The following TNFSF13B variants were observed in gnomAD, a reference collection of about 807,000 sequenced individuals.
The protein encoded by TNFSF13B is tumor necrosis factor ligand superfamily member 13B.
A neutral mutation model predicts 29.1 loss-of-function variants in TNFSF13B; 8 were observed. The ratio of observed to expected loss-of-function variants is 0.27; its 90% CI spans 0.16 to 0.50. TNFSF13B has a LOEUF of 0.50. TNFSF13B is among the 20% of genes least tolerant of loss of function. The pLI, the probability that TNFSF13B is intolerant of heterozygous loss-of-function variation, is 0.98. For missense variants in TNFSF13B, 248 were observed against 334.9 expected (o/e 0.74, Z 2.03); for synonymous variants, 125 against 130.8 (o/e 0.96, Z 0.30).
At chr13:108,284,351 TAAATGAATAAATAAACAAACAAAC>T (rs146134965) in intron 2 of TNFSF13B, among the ~76,000 whole-genome samples, 32,246 of 148,946 alleles carry the variant, frequency 0.22, 4,088 homozygotes, top group East Asian at 0.46. Flanking sequence ...AATAAATAAA[TAAATGAATAAATAAACAAACAAAC>T]AAACAAACAA....
rs1473656805 is a variant in TNFSF13B, at chr13:108,308,195, C to G, written c.*1257C>G. On this transcript the variant is annotated 3_prime_UTR_variant, in exon 6 of 6. Coordinates refer to ENST00000375887, the MANE Select transcript of TNFSF13B (RefSeq NM_006573.5). The stretch of plus-strand genomic sequence containing the variant: ...TGCCAGTCTATGAAAATCTTCCCAT[C>G]TATATCAAAATACTTTTCAAGGATA... The G allele has an allele frequency of 6.6e-6, 1 of 152,072 alleles. No homozygotes were observed. Among genetic ancestry groups the G allele is most frequent in the African/African-American group, 2.4e-5 (1 of 41,428 alleles). 9.4% of individuals were successfully genotyped at this position (152,072 alleles called of 1,614,324 possible).
rs1881461665 is a variant in TNFSF13B at position 108,296,476 on chromosome 13, C to A, written c.482-6777C>A. 1.4e-5 allele frequency among the ~76,000 whole-genome samples: 2 copies of A among 145,370 alleles called. 1 individual carries two copies. Among genetic ancestry groups the A allele is most frequent in the Non-Finnish European group, 3.1e-5 (2 of 65,396 alleles). On this transcript the variant is annotated intron_variant, in intron 3 of 5. Transcript: ENST00000375887. ...ATCTTGAAACCTTGAAACACAAAAA[C>A]CTGTTTGTGTTTTTGAATCTGAAGT...
At chr13:108,297,807 C>G (rs1881495952) in intron 3 of TNFSF13B, among the ~76,000 whole-genome samples, 1 of 145,686 alleles carries the variant, frequency 6.9e-6, no homozygotes, top group African/African-American at 2.6e-5. Context: ...TAAACCTACA[C>G]TAATATATCA....
At chr13:108,289,013 T>C (rs922508227) in intron 3 of TNFSF13B, among the ~76,000 whole-genome samples, 5 of 152,198 alleles carry the variant, frequency 3.3e-5, no homozygotes, top group Non-Finnish European at 7.3e-5. Context: ...ATCTATTATT[T>C]ATTGTTCAAC....
chr13:108,290,722 C>T (rs943801877), intron 3 of TNFSF13B, among the ~76,000 whole-genome samples: 1 of 151,870 alleles, frequency 6.6e-6, no homozygotes. Flanking sequence ...AGCATTTCCT[C>T]CCATACTGTC....
intron 2 of TNFSF13B, among the ~76,000 whole-genome samples, chr13:108,277,661 C>T (rs1023477383): frequency 7.2e-5 from 11 of 152,260 alleles, no homozygotes; most frequent in Non-Finnish European, 8.8e-5. Flanking sequence ...GCTAGTTGCC[C>T]ATTTTTATGG....
At position 108,286,742 on chromosome 13, in the gene TNFSF13B, G is replaced by A. The variant is rs1881149104; in HGVS notation, c.425-61G>A. ...TGGAAGAGTGGGTTTCTAGCTTTGT[G>A]TTCTCAGTTTCTTTATTATTTCTAC... On this transcript the variant is annotated intron_variant, in intron 2 of 5. Transcript: ENST00000375887. The A allele has an allele frequency of 2.4e-5, 27 of 1,144,166 alleles. No individual in the cohort carries two copies. The East Asian group carries it at 7.0e-4, about 30-fold the overall frequency. 70.9% of individuals were successfully genotyped at this position (1,144,166 alleles called of 1,614,324 possible).
At position 108,269,915 on chromosome 13, in the gene TNFSF13B, G is replaced by A; in HGVS notation, c.20G>A (p.Arg7Lys). MDDSTEREQSRLTSCLK... is the reference protein window; with the variant it reads MDDSTEKEQSRLTSCLK... ...AGTGATATGGATGACTCCACAGAAAGGGAGCAGTCACGCCTTACTTCTTGC... is the reference window on the plus strand; with the variant it reads ...AGTGATATGGATGACTCCACAGAAAAGGAGCAGTCACGCCTTACTTCTTGC... The change falls in exon 1 of 6, where the codon AGG becomes AAG. Residue 7 changes from arginine (R) to lysine (K), a missense_variant. Arg to Lys is a conservative substitution (Grantham distance 26). Transcript: ENST00000375887. 1 of 1,610,928 alleles carries A rather than the reference G, an allele frequency of 6.2e-7. No homozygotes were observed. The highest frequency in any genetic ancestry group is 8.5e-7 in the Non-Finnish European group (1 of 1,179,048).
intron 2 of TNFSF13B, among the ~76,000 whole-genome samples, chr13:108,285,783 CT>C (rs1396863342): frequency 6.6e-6 from 1 of 152,178 alleles, no homozygotes; most frequent in African/African-American, 2.4e-5. Flanking sequence ...TAAAGTATTA[CT>C]TTAACTCTTA....
At chr13:108,300,746 A>G (rs868445395) in intron 3 of TNFSF13B, among the ~76,000 whole-genome samples, 3 of 152,210 alleles carry the variant, frequency 2.0e-5, no homozygotes, top group East Asian at 1.9e-4. Context: ...GGAAAAGCCA[A>G]TTAGACCTGC....
chr13:108,270,476 C>T (rs765814104), intron 2 of TNFSF13B, 52 bp downstream of exon 2: 30 of 1,539,932 alleles, frequency 1.9e-5, no homozygotes, highest in African/African-American at 2.7e-5. Flanking sequence ...AGAATAACAT[C>T]CAGTCTGGGG....
At chr13:108,305,894 C>G (rs1343631487) in intron 5 of TNFSF13B, among the ~76,000 whole-genome samples, 1 of 152,084 alleles carries the variant, frequency 6.6e-6, no homozygotes. Context: ...CATGAACATA[C>G]ATGTGTTTAT....
chr13:108,299,471 T>C (rs559130923), intron 3 of TNFSF13B, among the ~76,000 whole-genome samples: 38 of 152,260 alleles, frequency 2.5e-4, no homozygotes, highest in Non-Finnish European at 4.3e-4. Context: ...TGTTTAGTAA[T>C]TTTTCCAAAA....
chr13:108,306,911 AT>A lies in TNFSF13B; in HGVS notation c.837del (p.Phe279LeufsTer4). The A allele has an allele frequency of 6.2e-7, 1 of 1,603,622 alleles. No homozygotes were observed. On this transcript the variant is annotated frameshift_variant, in exon 6 of 6. Transcript: ENST00000375887. LOFTEE classifies it high-confidence loss of function. ...AQISLDGDVT[F>X]FGALKLL ...AAATATCACTGGATGGAGATGTCAC[AT>A]TTTTTGGTGCATTGAAACTGCTGTG...
At chr13:108,305,811 T>C (rs1266826697) in intron 5 of TNFSF13B, among the ~76,000 whole-genome samples, 1 of 152,170 alleles carries the variant, frequency 6.6e-6, no homozygotes, top group Non-Finnish European at 1.5e-5. Context: ...ACATAGTAAA[T>C]GTTCAATAAA....
intron 2 of TNFSF13B, among the ~76,000 whole-genome samples, chr13:108,272,684 C>A (rs1473622920): frequency 6.6e-6 from 1 of 151,394 alleles, no homozygotes; most frequent in Non-Finnish European, 1.5e-5. Context: ...ATTTGAGACT[C>A]TTTTTTTTAA....
At chr13:108,303,692 T>A in intron 5 of TNFSF13B, 88 bp downstream of exon 5, 1 of 1,376,510 alleles carries the variant, frequency 7.3e-7, no homozygotes, top group Non-Finnish European at 9.9e-7. Flanking sequence ...AATGAAAGGA[T>A]GGTGCCCTAA....
intron 1 of TNFSF13B, 41 bp downstream of exon 1, chr13:108,270,275 C>A (rs1486088785): frequency 6.2e-7 from 1 of 1,612,800 alleles, no homozygotes; most frequent in East Asian, 2.2e-5. Flanking sequence ...AAGATCCTGC[C>A]TACACTGCTG....
At chr13:108,306,744 C>A (rs1881786208) in intron 5 of TNFSF13B, 82 bp from the exon 6 acceptor site, 13 of 723,808 alleles carry the variant, frequency 1.8e-5, no homozygotes, top group Middle Eastern at 2.7e-4. Flanking sequence ...TTTTTTTTTA[C>A]AGAACAAAAT....
Sources: allele counts gnomAD v4.1 joint callset (sites outside exome capture counted in the v4.1 genomes callset), GRCh38; gene constraint gnomAD v4.1.1; transcripts MANE v1.5; gene names NCBI Gene and HGNC (gene_info 2026-07-23, HGNC 2026-07-21).